Variants in TANGO6 observed in about 807,000 individuals in gnomAD.
The protein encoded by TANGO6 is transport and golgi organization 6 homolog.
In TANGO6, 90 loss-of-function variants were observed where a neutral mutation model predicts 114.2. That is an observed-to-expected ratio of 0.79 (90% CI 0.66 to 0.94). The LOEUF is 0.94. Ranked by LOEUF, TANGO6 falls within the 40% of genes least tolerant of loss-of-function variation. The probability of loss-of-function intolerance (pLI) is 0.00; values close to 1 mark genes in which losing one functional copy is unlikely to be tolerated. For synonymous variants in TANGO6, 477 were observed against 509.8 expected (o/e 0.94, Z 0.87); for missense variants, 1,274 against 1,315.3 (o/e 0.97, Z 0.49).
At chr16:68,948,779 G>T (rs1390385761) in intron 14 of TANGO6, among the ~76,000 whole-genome samples, 1 of 152,210 alleles carries the variant, frequency 6.6e-6, no homozygotes, top group Non-Finnish European at 1.5e-5. Flanking sequence ...CATGGACTGT[G>T]AGTACGTATT....
chr16:68,863,240 A>G, intron 3 of TANGO6, 179 bp downstream of exon 3: 1 of 418,002 alleles, frequency 2.4e-6, no homozygotes, highest in Non-Finnish European at 4.2e-6. Context: ...CCTTAGGATA[A>G]TTTAAAAGAC....
At chr16:68,964,667 G>A (rs1963627608) in intron 14 of TANGO6, among the ~76,000 whole-genome samples, 1 of 149,928 alleles carries the variant, frequency 6.7e-6, no homozygotes, top group South Asian at 2.1e-4. Context: ...CCTGGGTTCA[G>A]GTGATTCTCC....
intron 17 of TANGO6, among the ~76,000 whole-genome samples, chr16:69,079,621 A>G (rs966866589): frequency 1.3e-5 from 2 of 152,180 alleles, no homozygotes; most frequent in African/African-American, 4.8e-5. Context: ...AAGCTGAATT[A>G]TACATACCAG....
In TANGO6 at chr16:68,974,181, G is replaced by A. The variant is rs577292270; in HGVS notation, c.2842+13G>A. 1.2e-6 allele frequency: 2 copies of A among 1,613,840 alleles called. No individual in the cohort carries two copies. The highest frequency in any genetic ancestry group is 1.7e-6 in the Non-Finnish European group (2 of 1,179,808). ...GTCAGGGCATTAGGTGAGTTTTCTT[G>A]TTCCATCCACCTGGAAAAGGGTGGA... On this transcript the variant is annotated intron_variant, in intron 15 of 17. Coordinates refer to ENST00000261778, the MANE Select transcript of TANGO6 (RefSeq NM_024562.2).
intron 6 of TANGO6, 82 bp from the exon 7 acceptor site, chr16:68,880,466 A>G (rs1351520339): frequency 1.1e-6 from 1 of 947,748 alleles, no homozygotes; most frequent in East Asian, 2.7e-5. Flanking sequence ...CCATCTTTCT[A>G]GTAAAGCTTC....
At chr16:68,881,863 T>G (rs118029198) in intron 7 of TANGO6, among the ~76,000 whole-genome samples, 3,522 of 152,242 alleles carry the variant, frequency 0.023, 62 homozygotes, top group Non-Finnish European at 0.037. Context: ...AAGTTTATTT[T>G]AGGCCCAGTG....
chr16:68,977,500 T>A (rs1019563107), intron 15 of TANGO6, among the ~76,000 whole-genome samples: 1 of 150,768 alleles, frequency 6.6e-6, no homozygotes, highest in African/African-American at 2.4e-5. Context: ...GATCAAGAGA[T>A]CGAGACCATC....
chr16:68,853,362 AAAAG>A (rs1257292884), intron 1 of TANGO6, among the ~76,000 whole-genome samples: 1 of 152,088 alleles, frequency 6.6e-6, no homozygotes, highest in African/African-American at 2.4e-5. Flanking sequence ...AAGGAAAAAA[AAAAG>A]AAACCTAAAG....
intron 7 of TANGO6, among the ~76,000 whole-genome samples, chr16:68,894,491 C>T (rs1962676936): frequency 6.6e-6 from 1 of 151,980 alleles, no homozygotes; most frequent in Non-Finnish European, 1.5e-5. Context: ...GGAGGTGTTA[C>T]AGAAGCCGCT....
chr16:69,049,574 G>A (rs1959916089), intron 17 of TANGO6, among the ~76,000 whole-genome samples: 1 of 151,058 alleles, frequency 6.6e-6, no homozygotes, highest in Non-Finnish European at 1.5e-5. Flanking sequence ...TGGGATTACA[G>A]GCACTTGCCA....
At chr16:69,046,055 C>A (rs192900123) in intron 17 of TANGO6, among the ~76,000 whole-genome samples, 1,399 of 128,216 alleles carry the variant, frequency 0.011, 24 homozygotes, top group African/African-American at 0.038. Flanking sequence ...TAGAGCGAGA[C>A]TCCAACTCAA....
intron 7 of TANGO6, among the ~76,000 whole-genome samples, chr16:68,889,413 C>A (rs1160650433): frequency 3.3e-5 from 5 of 152,150 alleles, no homozygotes; most frequent in African/African-American, 2.4e-5. Context: ...TGGGGAGTGG[C>A]AGAGCAAGTC....
chr16:69,073,960 T>TAAA, intron 17 of TANGO6, among the ~76,000 whole-genome samples: 1 of 131,636 alleles, frequency 7.6e-6, no homozygotes, highest in Non-Finnish European at 1.6e-5. Flanking sequence ...GACTCCATCT[T>TAAA]AAAAAAAAAA....
intron 12 of TANGO6, among the ~76,000 whole-genome samples, chr16:68,921,891 C>T (rs1208211412): frequency 1.3e-5 from 2 of 151,924 alleles, no homozygotes; most frequent in African/African-American, 4.8e-5. Flanking sequence ...AGCACGTCAC[C>T]CCCTATACCT....
At chr16:69,067,510 C>T (rs1960231736) in intron 17 of TANGO6, among the ~76,000 whole-genome samples, 1 of 94,914 alleles carries the variant, frequency 1.1e-5, no homozygotes, top group African/African-American at 6.2e-5. Context: ...AAGAGCAAAA[C>T]TCCATCTCAA....
intron 17 of TANGO6, among the ~76,000 whole-genome samples, chr16:69,079,101 G>A (rs902413296): frequency 7.9e-5 from 12 of 151,804 alleles, no homozygotes; most frequent in South Asian, 2.1e-4. Flanking sequence ...CAAGGTGGGC[G>A]GATCACCTGA....
At chr16:68,871,532 T>C (rs148969747) in intron 4 of TANGO6, among the ~76,000 whole-genome samples, 104 of 152,328 alleles carry the variant, frequency 6.8e-4, no homozygotes, top group Middle Eastern at 6.8e-3. Context: ...ACACCAAATA[T>C]TATGTTTACT....
At chr16:69,035,494 T>C (rs149752236) in intron 16 of TANGO6, 1 of 152,334 alleles carries the variant, frequency 6.6e-6, no homozygotes, top group Admixed American at 6.5e-5. Flanking sequence ...CAAAGTCAGT[T>C]TTTGGTAATC....
rs146717874 is a variant in TANGO6, at chr16:69,046,816, G to A, written c.3108+6395G>A. ...TAACCAAGAAAAGAATAAGTGAATT[G>A]AAAGATGGAGTACTAGAAATTATAT... is the stretch of plus-strand genomic sequence containing the variant. On this transcript the variant is annotated intron_variant, in intron 17 of 17. Coordinates refer to ENST00000261778, the MANE Select transcript of TANGO6 (RefSeq NM_024562.2). Among the ~76,000 whole-genome samples, 254 of 152,180 alleles carry A rather than the reference G, an allele frequency of 1.7e-3. 2 individuals carry two copies. In the South Asian group the frequency reaches 0.025, roughly 15 times the overall value.
Sources: gnomAD v4.1 joint callset for allele counts (sites outside exome capture counted in the v4.1 genomes callset) on GRCh38, gnomAD v4.1.1 for gene constraint, MANE v1.5 for transcripts, NCBI Gene and HGNC (gene_info 2026-07-23, HGNC 2026-07-21) for gene names.